NAALADL2: variants seen among roughly 807,000 people sequenced by gnomAD.
NAALADL2 encodes inactive N-acetylated-alpha-linked acidic dipeptidase-like protein 2.
NAALADL2 carries 76 observed loss-of-function variants against 87.2 expected under a neutral mutation model. That is an observed-to-expected ratio of 0.87 (90% CI 0.72 to 1.05). NAALADL2 has a LOEUF of 1.05. Among genes scored for constraint, NAALADL2 ranks in the 50% least tolerant of loss-of-function variants. NAALADL2 has a pLI of 0.00. For synonymous variants in NAALADL2, 354 were observed against 331.0 expected, an observed-to-expected ratio of 1.07 and a Z score of -0.75; for missense variants, 1,089 against 945.8, an observed-to-expected ratio of 1.15 and a Z score of -1.99.
chr3:175,334,383 C>T (rs1761761861), intron 5 of NAALADL2, among the ~76,000 whole-genome samples: 1 of 152,134 alleles, frequency 6.6e-6, no homozygotes, highest in Non-Finnish European at 1.5e-5. Flanking sequence ...CTATTTGTAA[C>T]TCCCCTCACC....
At chr3:175,457,116 G>A (rs915784382) in intron 6 of NAALADL2, among the ~76,000 whole-genome samples, 2 of 151,956 alleles carry the variant, frequency 1.3e-5, no homozygotes, top group South Asian at 2.1e-4. Context: ...TTTGTAATCA[G>A]TTGATGCCAT....
chr3:175,077,564 T>G (rs73037213), intron 1 of NAALADL2, among the ~76,000 whole-genome samples: 4,878 of 152,280 alleles, frequency 0.032, 252 homozygotes, highest in African/African-American at 0.11. Flanking sequence ...TTAAAATATT[T>G]AAAATGTAAT....
chr3:175,192,389 T>C (rs757061973), intron 2 of NAALADL2, among the ~76,000 whole-genome samples: 50 of 152,250 alleles, frequency 3.3e-4, no homozygotes, highest in Middle Eastern at 3.4e-3. Flanking sequence ...GAATAGTATA[T>C]GCTCTACCAT....
chr3:175,693,421 C>A (rs1313702479), intron 11 of NAALADL2, among the ~76,000 whole-genome samples: 5 of 152,134 alleles, frequency 3.3e-5, no homozygotes, highest in African/African-American at 1.2e-4. Context: ...CAAAGACAGT[C>A]CTTTCAGATG....
Position 175,010,950 on chromosome 3 carries a change from A to G in NAALADL2, c.44-85840A>G, listed in dbSNP as rs554259881. Reference sequence around the variant, plus strand: ...AAATTATGGACAATTACATTGCACAATGTTTGGTATAAAGTAATAAAGAGA... The same window carrying G: ...AAATTATGGACAATTACATTGCACAGTGTTTGGTATAAAGTAATAAAGAGA... On this transcript the variant is annotated intron_variant, in intron 1 of 13. Transcript: ENST00000454872. Among the ~76,000 whole-genome samples the G allele has an allele frequency of 1.3e-3, 200 of 152,304 alleles. 1 individual carries two copies. Among genetic ancestry groups the G allele is most frequent in the African/African-American group, 4.6e-3 (192 of 41,566 alleles).
chr3:175,501,404 C>T (rs1232228268), intron 9 of NAALADL2, among the ~76,000 whole-genome samples: 2 of 111,960 alleles, frequency 1.8e-5, no homozygotes, highest in Middle Eastern at 0.01. Context: ...CAAAAGGGAA[C>T]ATCTTTTCCA....
At chr3:175,164,494 A>T (rs1240952778) in intron 2 of NAALADL2, among the ~76,000 whole-genome samples, 3 of 152,148 alleles carry the variant, frequency 2.0e-5, no homozygotes, top group Non-Finnish European at 4.4e-5. Flanking sequence ...AGGTAAAAGT[A>T]TCGATTTTAC....
Position 175,491,539 on chromosome 3 carries a change from A to G in NAALADL2, c.1653+19781A>G, listed in dbSNP as rs780600951. Among the ~76,000 whole-genome samples, 121 of 152,226 alleles carry G rather than the reference A, an allele frequency of 7.9e-4. 1 individual carries two copies. The highest frequency in any genetic ancestry group is 4.9e-4 in the Non-Finnish European group (33 of 68,040). On this transcript the variant is annotated intron_variant, in intron 9 of 13. Coordinates refer to ENST00000454872, the MANE Select transcript of NAALADL2 (RefSeq NM_207015.3). Reference sequence around the variant, plus strand: ...TGTCACAGCTGAAAGTTTAAAAATCATTCCCGATATATGTTTCTAGTTATT... The same window carrying G: ...TGTCACAGCTGAAAGTTTAAAAATCGTTCCCGATATATGTTTCTAGTTATT...
rs764597903 is a variant in NAALADL2, at chr3:175,081,693, C to T, written c.44-15097C>T. Among the ~76,000 whole-genome samples, 7 of 152,130 alleles carry T rather than the reference C, an allele frequency of 4.6e-5. No individual in the cohort carries two copies. The East Asian group carries it at 7.7e-4, about 17-fold the overall frequency. ...AAGGCTTCAAAGCACAGCATTGGTT[C>T]TTGTTGAAGCCCTCTTTAACCTAAC... is the stretch of plus-strand genomic sequence containing the variant. On this transcript the variant is annotated intron_variant, in intron 1 of 13. Coordinates refer to ENST00000454872, the MANE Select transcript of NAALADL2 (RefSeq NM_207015.3).
At chr3:175,616,244 T>C (rs1268796134) in intron 10 of NAALADL2, among the ~76,000 whole-genome samples, 1 of 148,080 alleles carries the variant, frequency 6.8e-6, no homozygotes, top group African/African-American at 2.5e-5. Context: ...AGAATTATTG[T>C]ATGTATTCAA....
At chr3:175,574,775 A>G (rs1293704864) in intron 9 of NAALADL2, among the ~76,000 whole-genome samples, 2 of 152,146 alleles carry the variant, frequency 1.3e-5, no homozygotes, top group Non-Finnish European at 2.9e-5. Context: ...GATTATATTT[A>G]AAAGTATTTT....
intron 5 of NAALADL2, among the ~76,000 whole-genome samples, chr3:175,348,087 T>C (rs186024740): frequency 1.3e-5 from 2 of 152,292 alleles, no homozygotes; most frequent in East Asian, 3.9e-4. Flanking sequence ...ATTTTGCTCT[T>C]GTTGCCCAGG....
chr3:175,126,391 TCTCA>T (rs1173015783), intron 2 of NAALADL2, among the ~76,000 whole-genome samples: 18 of 152,116 alleles, frequency 1.2e-4, no homozygotes, highest in African/African-American at 3.4e-4. Flanking sequence ...AGCTGAGCTG[TCTCA>T]CTCACTGCAC....
chr3:175,402,990 G>A (rs1330459435), intron 5 of NAALADL2, among the ~76,000 whole-genome samples: 1 of 152,054 alleles, frequency 6.6e-6, no homozygotes, highest in Admixed American at 6.6e-5. Flanking sequence ...TGAACAAAAC[G>A]AATGAACTCA....
intron 3 of NAALADL2, among the ~76,000 whole-genome samples, chr3:174,766,482 T>C (rs745463699): frequency 5.9e-5 from 9 of 152,154 alleles, no homozygotes; most frequent in Non-Finnish European, 1.0e-4. Context: ...GCTGTGCACA[T>C]TATGTGTCAA....
At chr3:175,504,739 G>A (rs1286620182) in intron 9 of NAALADL2, among the ~76,000 whole-genome samples, 1 of 151,924 alleles carries the variant, frequency 6.6e-6, no homozygotes, top group African/African-American at 2.4e-5. Context: ...TTTTGTTATG[G>A]CGTCCAAGCT....
At chr3:174,729,804 C>T (rs1318906400) in intron 2 of NAALADL2, among the ~76,000 whole-genome samples, 1 of 151,730 alleles carries the variant, frequency 6.6e-6, no homozygotes, top group African/African-American at 2.4e-5. Context: ...AACATAATAA[C>T]CTCCAGAGCA....
intron 2 of NAALADL2, among the ~76,000 whole-genome samples, chr3:174,682,407 A>G (rs568935042): frequency 6.6e-6 from 1 of 152,078 alleles, no homozygotes; most frequent in South Asian, 2.1e-4. Flanking sequence ...CTTTGAGTGA[A>G]CTTAGGTGAT....
At chr3:175,361,595 A>G (rs1244094047) in intron 5 of NAALADL2, among the ~76,000 whole-genome samples, 1 of 148,098 alleles carries the variant, frequency 6.8e-6, no homozygotes, top group Non-Finnish European at 1.5e-5. Context: ...TGTAGTTTTG[A>G]TTTGCATTTC....
Sources: gnomAD v4.1 joint callset for allele counts (sites outside exome capture counted in the v4.1 genomes callset) on GRCh38, gnomAD v4.1.1 for gene constraint, MANE v1.5 for transcripts, NCBI Gene and HGNC (gene_info 2026-07-23, HGNC 2026-07-21) for gene names.